Variants in ZNF280D observed in about 807,000 individuals in gnomAD.
ZNF280D encodes suppressor of hairy wing homolog 4.
ZNF280D carries 39 observed loss-of-function variants against 94.7 expected under a neutral mutation model. That is an observed-to-expected ratio of 0.41 (90% CI 0.32 to 0.54). The LOEUF (loss-of-function observed/expected upper bound fraction) is 0.54, where lower values mean the gene tolerates loss of function less well. ZNF280D is among the 20% of genes least tolerant of loss of function. ZNF280D has a pLI of 0.22. For synonymous variants in ZNF280D, 398 were observed against 377.6 expected (o/e 1.05, Z -0.63); for missense variants, 1,090 against 1,149.3 (o/e 0.95, Z 0.75).
intron 17 of ZNF280D, among the ~76,000 whole-genome samples, chr15:56,658,032 T>C (rs962636022): frequency 2.0e-5 from 3 of 152,188 alleles, no homozygotes; most frequent in Non-Finnish European, 2.9e-5. Context: ...CAATGAAATA[T>C]TGATACATGC....
chr15:56,710,733 T>C (rs1321590272), intron 1 of ZNF280D, among the ~76,000 whole-genome samples: 2 of 152,176 alleles, frequency 1.3e-5, no homozygotes, highest in Non-Finnish European at 2.9e-5. Flanking sequence ...CTTTCATCCA[T>C]TGATAGATAT....
At chr15:56,715,160 G>C (rs1352287479) in intron 1 of ZNF280D, among the ~76,000 whole-genome samples, 1 of 152,094 alleles carries the variant, frequency 6.6e-6, no homozygotes, top group African/African-American at 2.4e-5. Flanking sequence ...AAAAAGTTAA[G>C]AGTTTCTAGG....
chr15:56,722,791 C>A (rs1245568828), intron 1 of ZNF280D, among the ~76,000 whole-genome samples: 2 of 151,842 alleles, frequency 1.3e-5, no homozygotes, highest in African/African-American at 2.4e-5. Context: ...CTGTTTATTG[C>A]GGCATTATTC....
In ZNF280D at chr15:56,682,293, T is replaced by C; in HGVS notation, c.965A>G (p.Lys322Arg). 6.3e-7 allele frequency: 1 copy of C among 1,585,454 alleles called. No individual in the cohort carries two copies. The highest frequency in any genetic ancestry group is 1.4e-5 in the African/African-American group (1 of 72,866). Residue 322 changes from lysine (K) to arginine (R), a missense_variant, in exon 10 of 22, where the codon AAA (lysine) becomes AGA (arginine). Coordinates refer to ENST00000267807, the MANE Select transcript of ZNF280D (RefSeq NM_017661.4). ...TAGAATTTTCAAGCAACTGAAGCATTTAAAGGTTGTGTGAGTCTTCTGTTC... is the reference window on the plus strand; with the variant it reads ...TAGAATTTTCAAGCAACTGAAGCATCTAAAGGTTGTGTGAGTCTTCTGTTC... Reference protein sequence around the residue: ...QEEQKTHTTFKCFSCLKILKN... With the variant: ...QEEQKTHTTFRCFSCLKILKN...
At chr15:56,651,356 G>A (rs1449559158) in intron 19 of ZNF280D, among the ~76,000 whole-genome samples, 2 of 152,162 alleles carry the variant, frequency 1.3e-5, no homozygotes, top group Admixed American at 1.3e-4. Flanking sequence ...AGAATAAAAT[G>A]ATGGTAAGGA....
intron 16 of ZNF280D, among the ~76,000 whole-genome samples, chr15:56,665,166 CA>C (rs1166913240): frequency 2.0e-5 from 3 of 151,786 alleles, no homozygotes; most frequent in African/African-American, 7.3e-5. Flanking sequence ...CTGAAGCCAC[CA>C]AAAAAGGTAG....
At chr15:56,662,426 C>T (rs1396613599) in intron 16 of ZNF280D, among the ~76,000 whole-genome samples, 3 of 152,064 alleles carry the variant, frequency 2.0e-5, no homozygotes, top group African/African-American at 7.2e-5. Context: ...ATAATTAAAA[C>T]AAATAATGAC....
chr15:56,721,479 T>C (rs189922144), intron 1 of ZNF280D, among the ~76,000 whole-genome samples: 20 of 152,332 alleles, frequency 1.3e-4, no homozygotes, highest in Non-Finnish European at 2.9e-4. Flanking sequence ...TTAATCTATA[T>C]AGAAAATCTA....
intron 9 of ZNF280D, among the ~76,000 whole-genome samples, chr15:56,687,792 G>C (rs576064869): frequency 5.3e-5 from 8 of 152,258 alleles, no homozygotes; most frequent in African/African-American, 1.9e-4. Context: ...ACAACGTGCA[G>C]TTATCCAGGG....
intron 6 of ZNF280D, among the ~76,000 whole-genome samples, chr15:56,695,227 C>G (rs1289703416): frequency 1.3e-5 from 2 of 151,986 alleles, no homozygotes; most frequent in Non-Finnish European, 2.9e-5. Context: ...CTCATGCCAC[C>G]ACACCCAGGT....
chr15:56,671,188 T>C (rs930131792), intron 13 of ZNF280D, among the ~76,000 whole-genome samples: 27 of 152,276 alleles, frequency 1.8e-4, no homozygotes, highest in African/African-American at 6.3e-4. Context: ...ATCTCATGTG[T>C]CAATTTTTGC....
chr15:56,707,110 C>G lies in ZNF280D; in HGVS notation c.-1G>C. 1 of 1,613,946 alleles carries G rather than the reference C, an allele frequency of 6.2e-7. No individual in the cohort carries two copies. The highest frequency in any genetic ancestry group is 1.7e-5 in the Admixed American group (1 of 60,026). ...TTGGTTGAAAAGGGTTGTCGCCCAT[C>G]AAGCTGCAGAGATGACTTTCTGTAA... On this transcript the variant is annotated 5_prime_UTR_variant, in exon 3 of 22. Transcript: ENST00000267807.
At chr15:56,665,703 C>CAAAAAAAAAAAAA (rs71113013) in intron 16 of ZNF280D, among the ~76,000 whole-genome samples, 3 of 86,430 alleles carry the variant, frequency 3.5e-5, no homozygotes, top group East Asian at 3.6e-4. Context: ...GACTCCGTCT[C>CAAAAAAAAAAAAA]AAAAAAAAAA....
At chr15:56,679,277 T>A (rs1474794822) in intron 10 of ZNF280D, among the ~76,000 whole-genome samples, 1 of 151,856 alleles carries the variant, frequency 6.6e-6, no homozygotes, top group Non-Finnish European at 1.5e-5. Context: ...AGCTACAGAG[T>A]CAGGAGGAAA....
intron 13 of ZNF280D, among the ~76,000 whole-genome samples, chr15:56,670,122 T>C (rs1042401587): frequency 1.5e-4 from 19 of 129,378 alleles, no homozygotes; most frequent in Non-Finnish European, 2.4e-4. Context: ...CATATAATTA[T>C]AAAGGAATGC....
rs28441487 is a variant in ZNF280D, at chr15:56,672,587, T to C, written c.1411-3630A>G. Reference sequence around the variant, plus strand: ...CTGCTGGATTCAGTTTGCCAGTATTTTGGTGAAGATTTTTGCATCGAGGTT... The same window carrying C: ...CTGCTGGATTCAGTTTGCCAGTATTCTGGTGAAGATTTTTGCATCGAGGTT... On this transcript the variant is annotated intron_variant, in intron 13 of 21. Transcript: ENST00000267807. Among the ~76,000 whole-genome samples, 25 of 151,950 alleles carry C rather than the reference T, an allele frequency of 1.6e-4. 1 individual carries two copies. The South Asian group carries it at 5.2e-3, about 32-fold the overall frequency.
chr15:56,715,727 A>C (rs1206550716), intron 1 of ZNF280D, among the ~76,000 whole-genome samples: 1 of 152,158 alleles, frequency 6.6e-6, no homozygotes, highest in Non-Finnish European at 1.5e-5. Flanking sequence ...CCCAAAAAAA[A>C]AATTAACAAA....
intron 1 of ZNF280D, among the ~76,000 whole-genome samples, chr15:56,714,816 A>C (rs2057951136): frequency 6.6e-6 from 1 of 152,204 alleles, no homozygotes; most frequent in African/African-American, 2.4e-5. Flanking sequence ...AAAGGACAAT[A>C]AAATACTTGA....
intron 3 of ZNF280D, among the ~76,000 whole-genome samples, chr15:56,706,588 A>G (rs1390677389): frequency 6.6e-6 from 1 of 151,990 alleles, no homozygotes; most frequent in African/African-American, 2.4e-5. Context: ...TCCTAACGAC[A>G]CCTTCATCTT....
Sources: allele counts gnomAD v4.1 joint callset (sites outside exome capture counted in the v4.1 genomes callset), GRCh38; gene constraint gnomAD v4.1.1; transcripts MANE v1.5; gene names NCBI Gene and HGNC (gene_info 2026-07-23, HGNC 2026-07-21).